Variants in TBC1D22A observed in about 807,000 individuals in gnomAD.
TBC1D22A encodes putative GTPase activator.
In TBC1D22A, 38 loss-of-function variants were observed where a neutral mutation model predicts 60.2. The ratio of observed to expected loss-of-function variants is 0.63; its 90% CI spans 0.49 to 0.83. TBC1D22A has a LOEUF of 0.83. Ranked by LOEUF, TBC1D22A falls within the 40% of genes least tolerant of loss-of-function variation. The pLI, the probability that TBC1D22A is intolerant of heterozygous loss-of-function variation, is 0.00. For missense variants in TBC1D22A, 628 were observed against 701.0 expected (o/e 0.90, Z 1.18); for synonymous variants, 302 against 281.7 (o/e 1.07, Z -0.72).
At chr22:47,070,268 G>A (rs1338489495) in intron 11 of TBC1D22A, among the ~76,000 whole-genome samples, 6 of 145,238 alleles carry the variant, frequency 4.1e-5, no homozygotes, top group African/African-American at 1.5e-4. Flanking sequence ...TTGTTTGGTT[G>A]GACGCTGTCC....
chr22:46,795,809 C>A (rs1176464988), intron 3 of TBC1D22A, among the ~76,000 whole-genome samples: 1 of 152,328 alleles, frequency 6.6e-6, no homozygotes, highest in East Asian at 1.9e-4. Flanking sequence ...GAAACCACAT[C>A]AGTCATTTCT....
intron 10 of TBC1D22A, among the ~76,000 whole-genome samples, chr22:46,999,815 G>A (rs1203698408): frequency 6.6e-6 from 1 of 152,044 alleles, no homozygotes; most frequent in Admixed American, 6.6e-5. Context: ...CACGAGGTCA[G>A]GAGATCGAGA....
intron 8 of TBC1D22A, among the ~76,000 whole-genome samples, chr22:46,929,808 G>C (rs1176870486): frequency 1.3e-5 from 2 of 152,152 alleles, no homozygotes; most frequent in African/African-American, 4.8e-5. Context: ...TGGACTGCAG[G>C]CCTCGTGCTT....
intron 11 of TBC1D22A, among the ~76,000 whole-genome samples, chr22:47,100,119 T>C (rs5766670): frequency 0.51 from 77,409 of 152,070 alleles, 23,023 homozygotes; most frequent in African/African-American, 0.84. Context: ...GCTTCCAGGG[T>C]GCTGCCTGGC....
chr22:46,852,517 C>T (rs974266311), intron 4 of TBC1D22A, among the ~76,000 whole-genome samples: 2 of 152,182 alleles, frequency 1.3e-5, no homozygotes, highest in Non-Finnish European at 1.5e-5. Context: ...ATCTCAGTGG[C>T]GTGAGGTCCT....
intron 11 of TBC1D22A, among the ~76,000 whole-genome samples, chr22:47,072,287 C>T (rs2064026440): frequency 6.6e-6 from 1 of 152,182 alleles, no homozygotes; most frequent in African/African-American, 2.4e-5. Context: ...GCTCAGTCCC[C>T]ACTCGTCCAG....
intron 4 of TBC1D22A, among the ~76,000 whole-genome samples, chr22:46,835,370 C>T (rs1221976919): frequency 1.3e-5 from 2 of 151,926 alleles, no homozygotes; most frequent in African/African-American, 2.4e-5. Flanking sequence ...AATATATGAA[C>T]AAAAATGGGA....
chr22:47,031,585 A>G (rs2062475571), intron 10 of TBC1D22A, among the ~76,000 whole-genome samples: 1 of 152,190 alleles, frequency 6.6e-6, no homozygotes, highest in South Asian at 2.1e-4. Context: ...GCAGGTGCCC[A>G]GAGATGCAAG....
At position 47,137,662 on chromosome 22, in the gene TBC1D22A, G is replaced by C. The variant is rs947739193; in HGVS notation, c.1425+26059G>C. Among the ~76,000 whole-genome samples the C allele has an allele frequency of 9.2e-5, 14 of 152,336 alleles. No homozygotes were observed. In the East Asian group the frequency reaches 2.7e-3, roughly 29 times the overall value. ...CTAGCCAGCTTCACCGGCCACACTG[G>C]GCTACACCCAAGCCTGGCCCCTGAA... On this transcript the variant is annotated intron_variant, in intron 12 of 12. Coordinates refer to ENST00000337137, the MANE Select transcript of TBC1D22A (RefSeq NM_014346.5).
chr22:46,853,338 G>A (rs1469130250), intron 4 of TBC1D22A, among the ~76,000 whole-genome samples: 1 of 152,234 alleles, frequency 6.6e-6, no homozygotes, highest in Admixed American at 6.5e-5. Flanking sequence ...CAGGCGAGAG[G>A]CATGAAGCCG....
chr22:47,143,581 T>A (rs1422513528), intron 12 of TBC1D22A, among the ~76,000 whole-genome samples: 1 of 152,244 alleles, frequency 6.6e-6, no homozygotes, highest in Admixed American at 6.5e-5. Flanking sequence ...GCAGAAAGCC[T>A]GTGACTGAAC....
intron 4 of TBC1D22A, among the ~76,000 whole-genome samples, chr22:46,806,087 G>A (rs550694535): frequency 6.0e-4 from 91 of 152,178 alleles, no homozygotes; most frequent in African/African-American, 2.1e-3. Context: ...TCCTGACCTC[G>A]TGATCCACCC....
chr22:46,965,295 G>T (rs147035672), intron 8 of TBC1D22A, among the ~76,000 whole-genome samples: 1 of 152,050 alleles, frequency 6.6e-6, no homozygotes, highest in African/African-American at 2.4e-5. Flanking sequence ...TCTGACCTGT[G>T]GGGGCGGGGT....
chr22:47,123,616 GCATTAGCCTT>G (rs1158482729), intron 12 of TBC1D22A, among the ~76,000 whole-genome samples: 2 of 152,224 alleles, frequency 1.3e-5, no homozygotes, highest in African/African-American at 4.8e-5. Flanking sequence ...TTGCAATGCT[GCATTAGCCTT>G]CGACAGGCTA....
chr22:46,890,492 A>T (rs1281477859), intron 5 of TBC1D22A, among the ~76,000 whole-genome samples: 3 of 152,222 alleles, frequency 2.0e-5, no homozygotes, highest in Non-Finnish European at 4.4e-5. Context: ...GCAGATGTGC[A>T]TAAGTTACAT....
chr22:46,851,205 ATCTGGAAGAGGC>A (rs2087260056), intron 4 of TBC1D22A, among the ~76,000 whole-genome samples: 1 of 152,242 alleles, frequency 6.6e-6, no homozygotes, highest in Non-Finnish European at 1.5e-5. Flanking sequence ...CCCTAAGGTG[ATCTGGAAGAGGC>A]TCTGCCCTCA....
chr22:46,819,937 G>T (rs555548537), intron 4 of TBC1D22A, among the ~76,000 whole-genome samples: 33 of 152,290 alleles, frequency 2.2e-4, no homozygotes, highest in Non-Finnish European at 1.8e-4. Context: ...TCTATTTAGG[G>T]ATTCAGCTTC....
At chr22:47,054,677 C>G (rs1220346495) in intron 11 of TBC1D22A, among the ~76,000 whole-genome samples, 2 of 152,216 alleles carry the variant, frequency 1.3e-5, no homozygotes, top group African/African-American at 4.8e-5. Context: ...AAGAAAGATG[C>G]TTTGCTGCTG....
chr22:46,888,178 T>C (rs2068214761), intron 5 of TBC1D22A, among the ~76,000 whole-genome samples: 2 of 152,160 alleles, frequency 1.3e-5, no homozygotes, highest in South Asian at 2.1e-4. Flanking sequence ...TTGGGCCACC[T>C]CTCCACCTCC....
Sources: gnomAD v4.1 joint callset for allele counts (sites outside exome capture counted in the v4.1 genomes callset) on GRCh38, gnomAD v4.1.1 for gene constraint, MANE v1.5 for transcripts, NCBI Gene and HGNC (gene_info 2026-07-23, HGNC 2026-07-21) for gene names.